Variants in SPEN observed in about 807,000 individuals in gnomAD.
The protein encoded by SPEN is spen family transcriptional repressor.
Under a neutral mutation model 269.9 loss-of-function variants are expected in SPEN, and 18 were observed. That is an observed-to-expected ratio of 0.07 (90% confidence interval 0.05 to 0.10). SPEN has a LOEUF of 0.10. Among genes scored for constraint, SPEN ranks in the 10% least tolerant of loss-of-function variants. SPEN has a pLI of 1.00. For synonymous variants in SPEN, 1,726 were observed against 1,765.7 expected, an observed-to-expected ratio of 0.98 and a Z score of 0.56; for missense variants, 3,822 against 4,631.2, an observed-to-expected ratio of 0.83 and a Z score of 5.07.
Position 15,938,893 on chromosome 1 carries a change from C to T in SPEN, c.10863+17C>T, listed in dbSNP as rs1249327811. 6.2e-7 allele frequency: 1 copy of T among 1,610,246 alleles called. No individual in the cohort carries two copies. Among genetic ancestry groups the T allele is most frequent in the East Asian group, 2.2e-5 (1 of 44,836 alleles). ...TCCAATCAGGTCGGTTGTCCTGTGT[C>T]CTTCCTTCACATGTACACCCACAGG... On this transcript the variant is annotated intron_variant, in intron 14 of 14. Coordinates refer to ENST00000375759, the MANE Select transcript of SPEN (RefSeq NM_015001.3).
Position 15,929,125 on chromosome 1 carries a change from A to C in SPEN, c.2885A>C (p.Lys962Thr), listed in dbSNP as rs776255123. 5.6e-6 allele frequency: 9 copies of C among 1,614,204 alleles called. No individual in the cohort carries two copies. In the East Asian group the frequency reaches 2.0e-4, roughly 36 times the overall value. Residue 962 changes from lysine (K) to threonine (T), a missense_variant, in exon 11 of 15, where the codon AAG (lysine) becomes ACG (threonine). Physicochemically the swap from Lys to Thr is moderately conservative, Grantham distance 78. This residue lies in a region of SPEN where 572 missense variants were observed against 582.6 expected (regional missense o/e 0.98). Coordinates refer to ENST00000375759, the MANE Select transcript of SPEN (RefSeq NM_015001.3). This position sits in a 1 kb window ranked among gnomAD's most constrained non-coding sequence, Gnocchi z 5.8. ...VEKEGRLKAR[K>T]HLKPEQPADG... is the part of the protein sequence containing the mutation. ...AAGGAAGGCAGGCTTAAAGCCAGGAAGCACCTCAAGCCTGAGCAGCCTGCA... is the reference window on the plus strand; with the variant it reads ...AAGGAAGGCAGGCTTAAAGCCAGGACGCACCTCAAGCCTGAGCAGCCTGCA...
chr1:15,939,195 G>T lies in SPEN; in HGVS notation c.10864-101G>T. ...CATTTGCTGGTTGGGGACTGATTTGGCCTGGCTCTTAGCATTGGGCCTCTT... is the reference window on the plus strand; with the variant it reads ...CATTTGCTGGTTGGGGACTGATTTGTCCTGGCTCTTAGCATTGGGCCTCTT... On this transcript the variant is annotated intron_variant, in intron 14 of 14. Coordinates refer to ENST00000375759, the MANE Select transcript of SPEN (RefSeq NM_015001.3). This position sits in a 1 kb window ranked among gnomAD's most constrained non-coding sequence, Gnocchi z 4.1. The T allele has an allele frequency of 1.4e-6, 2 of 1,446,542 alleles. No homozygotes were observed. Among genetic ancestry groups the T allele is most frequent in the Non-Finnish European group, 9.2e-7 (1 of 1,085,716 alleles). 89.6% of individuals were successfully genotyped at this position (1,446,542 alleles called of 1,614,324 possible).
At chr1:15,851,165 G>GT (rs1237142506) in intron 1 of SPEN, among the ~76,000 whole-genome samples, 1 of 152,042 alleles carries the variant, frequency 6.6e-6, no homozygotes, top group African/African-American at 2.4e-5. Flanking sequence ...TTGTTTGTTT[G>GT]TTTTTAAATG....
rs1158453143 is a variant in SPEN at position 15,848,988 on chromosome 1, T to G, written c.83+838T>G. Among the ~76,000 whole-genome samples the G allele has an allele frequency of 6.7e-6, 1 of 149,016 alleles. No individual in the cohort carries two copies. Among genetic ancestry groups the G allele is most frequent in the Non-Finnish European group, 1.5e-5 (1 of 67,028 alleles). On this transcript the variant is annotated intron_variant, in intron 1 of 14. Transcript: ENST00000375759. The surrounding 1 kb of genome is among the most constrained non-coding windows in gnomAD (Gnocchi z 5.1). ...CCTTTTACGATGAGAAGATGTAGCT[T>G]AAAAAAAAAACCTCCCCTGAATATT...
chr1:15,938,971 C>A, intron 14 of SPEN, 95 bp downstream of exon 14: 1 of 1,470,776 alleles, frequency 6.8e-7, no homozygotes, highest in Non-Finnish European at 9.2e-7. Context: ...CTAGATCTGG[C>A]CCCAGAGGTG....
rs543398036 is a variant in SPEN, at chr1:15,888,757, G to A, written c.881+12079G>A. On this transcript the variant is annotated intron_variant, in intron 3 of 14. Transcript: ENST00000375759. ...AAGTGATTCTCCTGCCTCAGTCTTCGGAATAGCTGGATTACAGACATGCGC... is the reference window on the plus strand; with the variant it reads ...AAGTGATTCTCCTGCCTCAGTCTTCAGAATAGCTGGATTACAGACATGCGC... 2.0e-5 allele frequency among the ~76,000 whole-genome samples: 3 copies of A among 151,544 alleles called. No homozygotes were observed. The East Asian group carries it at 5.8e-4, about 29-fold the overall frequency.
Position 15,935,374 on chromosome 1 carries a change from C to G in SPEN, c.9134C>G (p.Thr3045Ser). 1 of 1,614,146 alleles carries G rather than the reference C, an allele frequency of 6.2e-7. No individual in the cohort carries two copies. The highest frequency in any genetic ancestry group is 2.2e-5 in the East Asian group (1 of 44,874). Residue 3045 changes from threonine (T) to serine (S), a missense_variant, in exon 11 of 15, where the codon ACT becomes AGT. By Grantham distance (58) the Thr-to-Ser change is moderately conservative. Coordinates refer to ENST00000375759, the MANE Select transcript of SPEN (RefSeq NM_015001.3). The surrounding 1 kb of genome is among the most constrained non-coding windows in gnomAD (Gnocchi z 7.7). ...CCAAGGGCAAGCCACCCCAGCAGTA[C>G]TGCATCTACGGCGCTCTCCACCAAC... is the stretch of plus-strand genomic sequence containing the variant. ...SFPRASHPSS[T>S]ASTALSTNAT...
At chr1:15,886,295 A>G (rs997313712) in intron 3 of SPEN, among the ~76,000 whole-genome samples, 5 of 152,166 alleles carry the variant, frequency 3.3e-5, no homozygotes, top group Admixed American at 2.0e-4. Flanking sequence ...TTAGCTCTGG[A>G]AGCAGATGAG....
Position 15,867,784 on chromosome 1 carries a change from A to C in SPEN, c.84-5032A>C, listed in dbSNP as rs182597508. 1.6e-3 allele frequency among the ~76,000 whole-genome samples: 241 copies of C among 151,178 alleles called. 2 individuals are homozygous for C. Among genetic ancestry groups the C allele is most frequent in the Non-Finnish European group, 5.3e-4 (36 of 67,892 alleles). ...TTGTGATTTTGATTTTGATTTCCCT[A>C]ATGACTAATGATGACTAAATTTACC... On this transcript the variant is annotated intron_variant, in intron 1 of 14. Coordinates refer to ENST00000375759, the MANE Select transcript of SPEN (RefSeq NM_015001.3).
intron 3 of SPEN, among the ~76,000 whole-genome samples, chr1:15,901,418 C>G (rs1178175308): frequency 6.6e-6 from 1 of 151,208 alleles, no homozygotes; most frequent in Non-Finnish European, 1.5e-5. Flanking sequence ...CAGCAGATTG[C>G]TTGAGCTCAG....
chr1:15,871,793 T>C (rs935652262), intron 1 of SPEN, among the ~76,000 whole-genome samples: 5 of 152,220 alleles, frequency 3.3e-5, no homozygotes, highest in African/African-American at 1.2e-4. Context: ...GATTGTCACT[T>C]AATGAATTAA....
At position 15,919,502 on chromosome 1, in the gene SPEN, T is replaced by C. The variant is rs375129710; in HGVS notation, c.1620T>C (p.Tyr540=). 8.0e-5 allele frequency: 128 copies of C among 1,598,190 alleles called. No individual in the cohort carries two copies. The highest frequency in any genetic ancestry group is 8.0e-5 in the Non-Finnish European group (94 of 1,175,698). The change falls in exon 8 of 15, where the codon TAT becomes TAC. Residue 540 remains tyrosine (Y), a synonymous_variant. Transcript: ENST00000375759. The part of the protein sequence containing the change: ...DQYLTRHFCR[Y]GPVVKVVFDR... Reference sequence around the variant, plus strand: ...ATTTAACACGACATTTCTGCCGATATGGGCCTGTGGTAAAGGTAGGCGGGA... The same window carrying C: ...ATTTAACACGACATTTCTGCCGATACGGGCCTGTGGTAAAGGTAGGCGGGA...
chr1:15,897,990 C>T lies in SPEN; in HGVS notation c.882-11331C>T, dbSNP rs574067275. On this transcript the variant is annotated intron_variant, in intron 3 of 14. Coordinates refer to ENST00000375759, the MANE Select transcript of SPEN (RefSeq NM_015001.3). ...TCACCAGTTAGGTCTGACTCATTGCCCTGATGTCATCTCTGAGGAAGTTTA... is the reference window on the plus strand; with the variant it reads ...TCACCAGTTAGGTCTGACTCATTGCTCTGATGTCATCTCTGAGGAAGTTTA... Among the ~76,000 whole-genome samples the T allele has an allele frequency of 2.6e-5, 4 of 152,156 alleles. No homozygotes were observed. The South Asian group carries it at 6.2e-4, about 24-fold the overall frequency.
At chr1:15,866,633 G>A (rs972610982) in intron 1 of SPEN, among the ~76,000 whole-genome samples, 2 of 152,188 alleles carry the variant, frequency 1.3e-5, no homozygotes, top group East Asian at 3.8e-4. Flanking sequence ...GATTACAGGC[G>A]TGAGCCACCG....
intron 3 of SPEN, among the ~76,000 whole-genome samples, chr1:15,906,453 C>CTTTTTTTTTTTTTTTTTTTTTTTT (rs200731520): frequency 9.7e-5 from 9 of 92,586 alleles, no homozygotes; most frequent in East Asian, 2.8e-4. Context: ...TCTTTCTTTC[C>CTTTTTTTTTTTTTTTTTTTTTTTT]TTTTTTTTTT....
intron 10 of SPEN, among the ~76,000 whole-genome samples, chr1:15,923,128 A>C (rs2071135148): frequency 6.6e-6 from 1 of 152,228 alleles, no homozygotes; most frequent in African/African-American, 2.4e-5. Context: ...CTTTATTTTA[A>C]AGTTGAATCT....
rs189295378 is a variant in SPEN, at chr1:15,901,274, C to T, written c.882-8047C>T. Among the ~76,000 whole-genome samples the T allele has an allele frequency of 4.7e-5, 7 of 150,334 alleles. No individual in the cohort carries two copies. In the East Asian group the frequency reaches 5.9e-4, roughly 13 times the overall value. On this transcript the variant is annotated intron_variant, in intron 3 of 14. Transcript: ENST00000375759. The stretch of plus-strand genomic sequence containing the variant: ...GGGTTTCAGTGAGCCAAGATTGCGC[C>T]GCTGTACTCCAGCCTGAGCGAAAGA...
intron 1 of SPEN, among the ~76,000 whole-genome samples, chr1:15,871,832 G>A (rs1264511218): frequency 6.6e-6 from 1 of 152,044 alleles, no homozygotes; most frequent in East Asian, 1.9e-4. Context: ...AAATAGCTAT[G>A]TATAGTTTTT....
chr1:15,934,065 A>G lies in SPEN; in HGVS notation c.7825A>G (p.Lys2609Glu). Residue 2609 changes from lysine (K) to glutamate (E), a missense_variant, in exon 11 of 15, where the codon AAG becomes GAG. Around this residue, in one of 16 missense-constraint regions of SPEN, gnomAD observed 329 missense variants for 431.2 expected, o/e 0.76. Coordinates refer to ENST00000375759, the MANE Select transcript of SPEN (RefSeq NM_015001.3). The surrounding 1 kb of genome is among the most constrained non-coding windows in gnomAD (Gnocchi z 9.2). Reference protein sequence around the residue: ...SEVLVAADKEKVAPVIAPKIT... With the variant: ...SEVLVAADKEEVAPVIAPKIT... ...GGTGCTGGTAGCTGCTGACAAGGAA[A>G]AGGTGGCTCCAGTCATTGCTCCCAA... 1 of 1,610,954 alleles carries G rather than the reference A, an allele frequency of 6.2e-7. No individual in the cohort carries two copies.
Sources: gnomAD v4.1 joint callset for allele counts (sites outside exome capture counted in the v4.1 genomes callset) on GRCh38, gnomAD v4.1.1 for gene constraint, gnomAD v4.1.1 regional missense constraint, Gnocchi (gnomAD v3.1) non-coding constraint, MANE v1.5 for transcripts, NCBI Gene and HGNC (gene_info 2026-07-23, HGNC 2026-07-21) for gene names.